Variants in TENM4 observed in about 807,000 individuals in gnomAD.
The protein encoded by TENM4 is teneurin-4.
In TENM4, 82 loss-of-function variants were observed where a neutral mutation model predicts 243.3. That is an observed-to-expected ratio of 0.34 (90% CI 0.28 to 0.40). The LOEUF (loss-of-function observed/expected upper bound fraction) is 0.40. Ranked by LOEUF, TENM4 falls within the 10% of genes least tolerant of loss-of-function variation. The pLI is 1.00. For missense variants in TENM4, 3,138 were observed against 3,673.3 expected (o/e 0.85, Z 3.77); for synonymous variants, 1,412 against 1,456.3 (o/e 0.97, Z 0.69).
intron 2 of TENM4, among the ~76,000 whole-genome samples, chr11:79,240,590 C>G (rs1864570995): frequency 1.3e-5 from 2 of 152,118 alleles, no homozygotes; most frequent in South Asian, 4.1e-4. Flanking sequence ...CATTTAGTAA[C>G]CAGGTTACTA....
intron 6 of TENM4, chr11:79,021,809 G>A (rs537099782): frequency 6.6e-5 from 10 of 152,332 alleles, no homozygotes; most frequent in African/African-American, 2.4e-4. Context: ...CTGGAGGTTA[G>A]ATAAGAGGAC....
At chr11:79,023,464 A>T (rs1193343977) in intron 6 of TENM4, among the ~76,000 whole-genome samples, 1 of 151,732 alleles carries the variant, frequency 6.6e-6, no homozygotes, top group Non-Finnish European at 1.5e-5. Context: ...CAGGAGGCTG[A>T]GGCAGGAGAA....
Position 78,655,761 on chromosome 11 carries a change from C to T in TENM4, c.*2297G>A, listed in dbSNP as rs1346373325. On this transcript the variant is annotated 3_prime_UTR_variant, in exon 34 of 34. Transcript: ENST00000278550. The stretch of plus-strand genomic sequence containing the variant: ...GATCAACTGGGCAGGAGCACTTTGC[C>T]CAAGGGCCCTTGGTATGAAGAGTAC... 6.6e-6 allele frequency: 1 copy of T among 152,186 alleles called. No homozygotes were observed. The highest frequency in any genetic ancestry group is 2.4e-5 in the African/African-American group (1 of 41,418). The allele number at this position is 152,186 out of a possible 1,614,324, so 9.4% of individuals were successfully genotyped here.
intron 2 of TENM4, among the ~76,000 whole-genome samples, chr11:79,234,544 T>G (rs1309567593): frequency 6.6e-6 from 1 of 152,172 alleles, no homozygotes; most frequent in Non-Finnish European, 1.5e-5. Context: ...AGATCACTTA[T>G]GGGAAAGCAT....
intron 25 of TENM4, among the ~76,000 whole-genome samples, chr11:78,714,002 C>T (rs1859463311): frequency 6.6e-6 from 1 of 152,132 alleles, no homozygotes; most frequent in Non-Finnish European, 1.5e-5. Flanking sequence ...AAAGGAAGCT[C>T]TGTTTGGACC....
chr11:78,933,276 A>G (rs1856711650), intron 6 of TENM4, among the ~76,000 whole-genome samples: 1 of 152,138 alleles, frequency 6.6e-6, no homozygotes, highest in African/African-American at 2.4e-5. Context: ...AAATAGAAAT[A>G]ATATAAAGGG....
At chr11:79,385,204 A>C (rs970768172) in intron 1 of TENM4, among the ~76,000 whole-genome samples, 5 of 152,218 alleles carry the variant, frequency 3.3e-5, no homozygotes, top group African/African-American at 1.2e-4. Context: ...CCAGATGCCC[A>C]GATTGCTGCC....
At chr11:78,880,486 A>AAAAG (rs1859405542) in intron 9 of TENM4, among the ~76,000 whole-genome samples, 7 of 132,592 alleles carry the variant, frequency 5.3e-5, no homozygotes, top group South Asian at 2.6e-4. Context: ...AAAAAAAAAA[A>AAAAG]AAAGAAAGAA....
intron 1 of TENM4, among the ~76,000 whole-genome samples, chr11:79,416,438 C>T (rs1225337527): frequency 2.0e-5 from 3 of 152,020 alleles, no homozygotes; most frequent in Admixed American, 6.6e-5. Context: ...TATCTTGTGG[C>T]GGTTTTAATT....
chr11:78,761,068 G>A (rs963102112), intron 18 of TENM4, among the ~76,000 whole-genome samples: 2 of 151,764 alleles, frequency 1.3e-5, no homozygotes, highest in African/African-American at 4.8e-5. Flanking sequence ...GCCTTTTTCA[G>A]ACTGTTAAGT....
chr11:78,758,695 T>C (rs1351353813), intron 18 of TENM4, among the ~76,000 whole-genome samples: 1 of 152,178 alleles, frequency 6.6e-6, no homozygotes, highest in Non-Finnish European at 1.5e-5. Context: ...AAAACCTAGT[T>C]TTTTCCTTAA....
intron 12 of TENM4, among the ~76,000 whole-genome samples, chr11:78,845,669 A>T (rs1014439674): frequency 6.6e-6 from 1 of 152,240 alleles, no homozygotes; most frequent in African/African-American, 2.4e-5. Flanking sequence ...GTAAAGGGAA[A>T]GAAAAAATAA....
chr11:79,239,681 A>G (rs779954411), intron 2 of TENM4, among the ~76,000 whole-genome samples: 1 of 152,154 alleles, frequency 6.6e-6, no homozygotes, highest in Admixed American at 6.5e-5. Flanking sequence ...TGCTACTAAT[A>G]ATCACTAATC....
chr11:79,070,675 T>C (rs1194323733), intron 4 of TENM4, among the ~76,000 whole-genome samples: 2 of 152,180 alleles, frequency 1.3e-5, no homozygotes, highest in Non-Finnish European at 2.9e-5. Flanking sequence ...CAAGGGCTGG[T>C]ACACAGTAGG....
In TENM4 at chr11:79,408,212, C is replaced by T. The variant is rs577202148; in HGVS notation, c.-321+32297G>A. On this transcript the variant is annotated intron_variant, in intron 1 of 33. Coordinates refer to ENST00000278550, the MANE Select transcript of TENM4 (RefSeq NM_001098816.3). ...AGCCACCATGCTGGGCCAACCACTG[C>T]GCCCAGCCATCTTTCCTTTTCTTTT... Among the ~76,000 whole-genome samples, 39 of 152,308 alleles carry T rather than the reference C, an allele frequency of 2.6e-4. 2 individuals carry two copies. The highest frequency in any genetic ancestry group is 2.5e-3 in the East Asian group (13 of 5,184).
intron 3 of TENM4, among the ~76,000 whole-genome samples, chr11:79,160,249 G>T (rs1280438481): frequency 6.6e-6 from 1 of 152,146 alleles, no homozygotes; most frequent in African/African-American, 2.4e-5. Context: ...CTCCTGGTGT[G>T]CAGGGGATAT....
At chr11:79,065,798 G>A (rs2136989934) in intron 5 of TENM4, among the ~76,000 whole-genome samples, 1 of 89,960 alleles carries the variant, frequency 1.1e-5, no homozygotes, top group South Asian at 3.4e-4. Flanking sequence ...CTGGGTAAGA[G>A]AAGGTCACCT....
At chr11:78,687,937 G>T in intron 29 of TENM4, 117 bp downstream of exon 29, 2 of 1,227,570 alleles carry the variant, frequency 1.6e-6, no homozygotes, top group Non-Finnish European at 2.3e-6. Flanking sequence ...ACAGAGAGTT[G>T]CAATGCTTTC....
chr11:79,051,488 T>A (rs957258306), intron 6 of TENM4, among the ~76,000 whole-genome samples: 1 of 152,180 alleles, frequency 6.6e-6, no homozygotes, highest in Admixed American at 6.5e-5. Context: ...TGGCAGTCAT[T>A]CACTCAAGTA....
Sources: allele counts gnomAD v4.1 joint callset (sites outside exome capture counted in the v4.1 genomes callset), GRCh38; gene constraint gnomAD v4.1.1; transcripts MANE v1.5; gene names NCBI Gene and HGNC (gene_info 2026-07-23, HGNC 2026-07-21).